Variants in WDR27 observed in about 807,000 individuals in gnomAD.
WDR27 encodes the protein WD repeat domain 27.
WDR27 carries 100 observed loss-of-function variants against 114.4 expected under a neutral mutation model. The ratio of observed to expected loss-of-function variants is 0.87; its 90% CI spans 0.74 to 1.03. WDR27 has a LOEUF of 1.03. Among genes scored for constraint, WDR27 ranks in the 50% least tolerant of loss-of-function variants. The pLI is 0.00. For missense variants in WDR27, 1,129 were observed against 1,092.9 expected (o/e 1.03, Z -0.47); for synonymous variants, 449 against 423.1 (o/e 1.06, Z -0.75).
intron 25 of WDR27, among the ~76,000 whole-genome samples, chr6:169,504,263 G>A (rs1791721577): frequency 6.6e-6 from 1 of 152,160 alleles, no homozygotes; most frequent in Non-Finnish European, 1.5e-5. Flanking sequence ...AATGTATCAT[G>A]TTACTCACTG....
At chr6:169,672,990 G>T (rs57797490) in intron 2 of WDR27, among the ~76,000 whole-genome samples, 1 of 152,212 alleles carries the variant, frequency 6.6e-6, no homozygotes, top group Admixed American at 6.5e-5. Context: ...ACGAGTGTTG[G>T]GGGTATACTG....
At chr6:169,588,497 T>C (rs2867154) in intron 23 of WDR27, among the ~76,000 whole-genome samples, 62,312 of 152,040 alleles carry the variant, frequency 0.41, 14,964 homozygotes, top group East Asian at 0.85. Context: ...AAAATGTTAA[T>C]ATATTTGTTG....
intron 1 of WDR27, among the ~76,000 whole-genome samples, chr6:169,699,563 G>A (rs1787269971): frequency 6.6e-6 from 1 of 152,194 alleles, no homozygotes; most frequent in Non-Finnish European, 1.5e-5. Context: ...GGTGGGCTCA[G>A]GGCTGACTGC....
intron 24 of WDR27, among the ~76,000 whole-genome samples, chr6:169,576,250 T>A (rs1206808165): frequency 6.6e-6 from 1 of 152,162 alleles, no homozygotes; most frequent in Non-Finnish European, 1.5e-5. Context: ...GGCCTCATGG[T>A]GGGCATGACC....
chr6:169,625,337 G>A (rs1275426773), intron 21 of WDR27, among the ~76,000 whole-genome samples: 5 of 152,278 alleles, frequency 3.3e-5, no homozygotes, highest in East Asian at 1.9e-4. Context: ...ACGTCATTCC[G>A]ACTGCACTGA....
chr6:169,451,514 A>C, the WDR27 span, among the ~76,000 whole-genome samples: 3 of 152,236 alleles, frequency 2.0e-5, no homozygotes, highest in African/African-American at 7.2e-5. Context: ...GTGTTTGTGG[A>C]CATGTATATT....
chr6:169,469,079 T>C (rs1785989694), intron 25 of WDR27, among the ~76,000 whole-genome samples: 1 of 152,206 alleles, frequency 6.6e-6, no homozygotes, highest in Non-Finnish European at 1.5e-5. Context: ...GGTTGGGCCT[T>C]CCACATATAA....
the WDR27 span, among the ~76,000 whole-genome samples, chr6:169,430,642 G>A: frequency 6.6e-6 from 1 of 152,190 alleles, no homozygotes; most frequent in Admixed American, 6.5e-5. Flanking sequence ...AAACTTTACC[G>A]ACACTTTCAA....
chr6:169,500,857 G>A (rs1349109302), intron 25 of WDR27, among the ~76,000 whole-genome samples: 1 of 152,214 alleles, frequency 6.6e-6, no homozygotes, highest in East Asian at 1.9e-4. Context: ...ACAGCCACGC[G>A]AGCTGCGCTA....
chr6:169,590,993 C>CAA (rs1290821073), intron 23 of WDR27, among the ~76,000 whole-genome samples: 1 of 152,172 alleles, frequency 6.6e-6, no homozygotes, highest in Admixed American at 6.5e-5. Flanking sequence ...TTCTTTTGGA[C>CAA]AAATACCCAG....
intron 23 of WDR27, among the ~76,000 whole-genome samples, chr6:169,601,119 A>G (rs1165262798): frequency 6.6e-6 from 1 of 152,338 alleles, no homozygotes; most frequent in East Asian, 1.9e-4. Flanking sequence ...ATCTCTCGGG[A>G]GAAACTCTAC....
chr6:169,589,579 T>C (rs1805305564), intron 23 of WDR27, among the ~76,000 whole-genome samples: 1 of 152,198 alleles, frequency 6.6e-6, no homozygotes, highest in African/African-American at 2.4e-5. Flanking sequence ...AAATGAAACA[T>C]CTTTTGGTCC....
chr6:169,632,846 G>T, intron 21 of WDR27, 101 bp downstream of exon 21: 2 of 1,104,888 alleles, frequency 1.8e-6, no homozygotes, highest in Non-Finnish European at 2.4e-6. Context: ...CATTGAATTT[G>T]GTAGCAAACA....
At chr6:169,464,068 A>G (rs1583580009) in intron 25 of WDR27, among the ~76,000 whole-genome samples, 1 of 152,352 alleles carries the variant, frequency 6.6e-6, no homozygotes, top group Middle Eastern at 3.4e-3. Flanking sequence ...TGAATAGTAA[A>G]AACAATCTTG....
At chr6:169,493,118 T>C (rs1011287804) in intron 25 of WDR27, among the ~76,000 whole-genome samples, 4 of 151,962 alleles carry the variant, frequency 2.6e-5, no homozygotes, top group Non-Finnish European at 5.9e-5. Context: ...GTTATAAAAT[T>C]GGATTAAAAT....
intron 23 of WDR27, among the ~76,000 whole-genome samples, chr6:169,586,251 G>C (rs374783694): frequency 6.6e-6 from 1 of 152,102 alleles, no homozygotes. Flanking sequence ...CATAAATCCC[G>C]TGAGGTCATG....
intron 25 of WDR27, among the ~76,000 whole-genome samples, chr6:169,567,740 T>C (rs1265067487): frequency 6.6e-6 from 1 of 152,150 alleles, no homozygotes; most frequent in Non-Finnish European, 1.5e-5. Flanking sequence ...ATTCCTGTCT[T>C]AGAAGAGGCA....
chr6:169,480,921 G>A (rs1787955509), intron 25 of WDR27, among the ~76,000 whole-genome samples: 1 of 151,362 alleles, frequency 6.6e-6, no homozygotes, highest in Admixed American at 6.6e-5. Flanking sequence ...TGGGGACTTG[G>A]AGAACTTTTA....
chr6:169,562,604 C>A (rs1569588), intron 25 of WDR27, among the ~76,000 whole-genome samples: 87,202 of 151,804 alleles, frequency 0.57, 28,504 homozygotes, highest in Non-Finnish European at 0.72. Context: ...TGACAAGCTC[C>A]AGCCTCTCCA....
Sources: gnomAD v4.1 joint callset for allele counts (sites outside exome capture counted in the v4.1 genomes callset) on GRCh38, gnomAD v4.1.1 for gene constraint, MANE v1.5 for transcripts, NCBI Gene and HGNC (gene_info 2026-07-23, HGNC 2026-07-21) for gene names.